SSBP3: variants seen among roughly 807,000 people sequenced by gnomAD.
SSBP3 encodes single-stranded DNA-binding protein 3.
In SSBP3, 5 loss-of-function variants were observed where a neutral mutation model predicts 69.6. That is an observed-to-expected ratio of 0.07 (90% CI 0.04 to 0.15). The LOEUF (loss-of-function observed/expected upper bound fraction) is 0.15. Among genes scored for constraint, SSBP3 ranks in the 10% least tolerant of loss-of-function variants. SSBP3 has a pLI of 1.00. For missense variants in SSBP3, 312 were observed against 534.0 expected, an observed-to-expected ratio of 0.58 and a Z score of 4.10; for synonymous variants, 196 against 193.4, an observed-to-expected ratio of 1.01 and a Z score of -0.11.
chr1:54,234,356 T>TA (rs112709537), intron 14 of SSBP3, among the ~76,000 whole-genome samples: 24,205 of 148,680 alleles, frequency 0.16, 2,129 homozygotes, highest in South Asian at 0.27. Flanking sequence ...AAAAATAAAT[T>TA]AAAAAAAATA....
intron 4 of SSBP3, among the ~76,000 whole-genome samples, chr1:54,394,682 C>T (rs1648731101): frequency 6.8e-6 from 1 of 147,828 alleles, no homozygotes; most frequent in South Asian, 2.3e-4. Flanking sequence ...AGCTCACTGT[C>T]TCCTTAAGAC....
At chr1:54,357,719 T>C (rs561228955) in intron 4 of SSBP3, among the ~76,000 whole-genome samples, 1 of 152,236 alleles carries the variant, frequency 6.6e-6, no homozygotes, top group Non-Finnish European at 1.5e-5. Flanking sequence ...CTGGTTAACA[T>C]AGCAAGACCT....
At chr1:54,301,960 T>C (rs1569703272) in intron 4 of SSBP3, among the ~76,000 whole-genome samples, 1 of 151,156 alleles carries the variant, frequency 6.6e-6, no homozygotes, top group East Asian at 2.0e-4. Context: ...CCCAGCCCTA[T>C]GGCACCAATC....
intron 14 of SSBP3, among the ~76,000 whole-genome samples, chr1:54,232,974 C>CGAGATTGCAGA (rs1644408147): frequency 6.6e-6 from 1 of 152,144 alleles, no homozygotes; most frequent in Non-Finnish European, 1.5e-5. Flanking sequence ...CCCAAAGTGC[C>CGAGATTGCAGA]GAGATTGCAG....
chr1:54,364,896 A>C (rs2317387), intron 4 of SSBP3, among the ~76,000 whole-genome samples: 25,459 of 152,158 alleles, frequency 0.17, 2,328 homozygotes, highest in African/African-American at 0.23. Flanking sequence ...GAATAGTCCA[A>C]ACTAGCGGGG....
At chr1:54,254,310 C>G (rs1644882180) in intron 7 of SSBP3, among the ~76,000 whole-genome samples, 1 of 152,186 alleles carries the variant, frequency 6.6e-6, no homozygotes, top group Non-Finnish European at 1.5e-5. Flanking sequence ...CCTGCCCCGC[C>G]AGCACAGCCA....
At chr1:54,261,769 G>A (rs1327629302) in intron 5 of SSBP3, among the ~76,000 whole-genome samples, 1 of 152,126 alleles carries the variant, frequency 6.6e-6, no homozygotes, top group Non-Finnish European at 1.5e-5. Flanking sequence ...GGGATGCGGT[G>A]GATCAGGGCA....
intron 4 of SSBP3, among the ~76,000 whole-genome samples, chr1:54,289,394 G>A (rs931515201): frequency 7.9e-5 from 12 of 151,892 alleles, no homozygotes; most frequent in African/African-American, 2.9e-4. Context: ...GGTGGGGGGT[G>A]GGGTGGGGGG....
chr1:54,229,274 A>G (rs1042017729), intron 14 of SSBP3, among the ~76,000 whole-genome samples: 2 of 152,226 alleles, frequency 1.3e-5, no homozygotes, highest in Admixed American at 6.5e-5. Flanking sequence ...GTGAGAGGAA[A>G]CGCTTTGCTT....
At chr1:54,363,601 A>AGGGAGAACAACACTATTACCCCTGAAACC (rs1275569092) in intron 4 of SSBP3, among the ~76,000 whole-genome samples, 1 of 152,144 alleles carries the variant, frequency 6.6e-6, no homozygotes, top group Admixed American at 6.5e-5. Flanking sequence ...GTTATATGGG[A>AGGGAGAACAACACTATTACCCCTGAAACC]GGGAGAACAA....
chr1:54,380,048 G>GCT (rs973485818), intron 4 of SSBP3, among the ~76,000 whole-genome samples: 3 of 152,190 alleles, frequency 2.0e-5, no homozygotes, highest in Non-Finnish European at 4.4e-5. Context: ...GGGTGAGAGG[G>GCT]CTCTCTGGTC....
chr1:54,391,458 G>A (rs185504122), intron 4 of SSBP3, among the ~76,000 whole-genome samples: 6 of 152,266 alleles, frequency 3.9e-5, no homozygotes, highest in Admixed American at 2.6e-4. Context: ...ATTTCCATCC[G>A]GTCTATAAAG....
intron 4 of SSBP3, among the ~76,000 whole-genome samples, chr1:54,369,073 T>A (rs1383144322): frequency 6.6e-6 from 1 of 152,212 alleles, no homozygotes; most frequent in Non-Finnish European, 1.5e-5. Flanking sequence ...CACGTAAGAC[T>A]TCATTTAAAG....
chr1:54,300,534 C>G (rs1327213973), intron 4 of SSBP3, among the ~76,000 whole-genome samples: 1 of 152,200 alleles, frequency 6.6e-6, no homozygotes, highest in African/African-American at 2.4e-5. Flanking sequence ...CAGTGCAACA[C>G]AGAGTACCGC....
chr1:54,391,351 G>A (rs571599594), intron 4 of SSBP3, among the ~76,000 whole-genome samples: 7 of 152,292 alleles, frequency 4.6e-5, no homozygotes, highest in African/African-American at 1.2e-4. Flanking sequence ...TTGTACCTTG[G>A]TCATCCAAGT....
At chr1:54,374,853 T>C (rs1217658474) in intron 4 of SSBP3, among the ~76,000 whole-genome samples, 2 of 152,190 alleles carry the variant, frequency 1.3e-5, no homozygotes, top group East Asian at 3.9e-4. Context: ...AAAACATTCT[T>C]TAGTTTTCAT....
chr1:54,300,775 T>C (rs1366742558), intron 4 of SSBP3, among the ~76,000 whole-genome samples: 1 of 152,198 alleles, frequency 6.6e-6, no homozygotes, highest in Admixed American at 6.5e-5. Flanking sequence ...GTCCATTCCA[T>C]GGATGGGCTC....
rs59276509 is a variant in SSBP3 at position 54,396,193 on chromosome 1, G to GAAAAAAAAAAAA, written c.276+5656_276+5667dup. On this transcript the variant is annotated intron_variant, in intron 4 of 17. Coordinates refer to ENST00000610401, the Ensembl canonical transcript of SSBP3. ...GGTGACAGAGTGAGACTCCATCTCAGAAAAAAAAAAAAAAAAAAAAAAAAA... is the reference window on the plus strand; with the variant it reads ...GGTGACAGAGTGAGACTCCATCTCAGAAAAAAAAAAAAAAAAAAAAAAAAAAAAAAAAAAAAA... Among the ~76,000 whole-genome samples the GAAAAAAAAAAAA allele has an allele frequency of 3.3e-3, 132 of 40,576 alleles. 6 individuals carry two copies. Among genetic ancestry groups the GAAAAAAAAAAAA allele is most frequent in the East Asian group, 0.024 (14 of 594 alleles). 26.6% of individuals were successfully genotyped at this position (40,576 alleles called of 152,430 possible). A position where few individuals can be genotyped will look rare whatever the true frequency, so the allele number is the denominator to read the frequency against.
chr1:54,383,603 G>C (rs1184433866), intron 4 of SSBP3, among the ~76,000 whole-genome samples: 1 of 152,138 alleles, frequency 6.6e-6, no homozygotes, highest in Non-Finnish European at 1.5e-5. Flanking sequence ...CTGTAGACTT[G>C]TATGACCTGA....
Sources: allele counts gnomAD v4.1 joint callset (sites outside exome capture counted in the v4.1 genomes callset), GRCh38; gene constraint gnomAD v4.1.1; transcripts MANE v1.5; gene names NCBI Gene and HGNC (gene_info 2026-07-23, HGNC 2026-07-21).